MLLT3: variants seen among roughly 807,000 people sequenced by gnomAD.
MLLT3 encodes the protein protein AF-9.
A neutral mutation model predicts 53.2 loss-of-function variants in MLLT3; 4 were observed. That is an observed-to-expected ratio of 0.08 (90% CI 0.04 to 0.17). The LOEUF is 0.17. Ranked by LOEUF, MLLT3 falls within the 10% of genes least tolerant of loss-of-function variation. The pLI is 1.00. For missense variants in MLLT3, 569 were observed against 684.0 expected (o/e 0.83, Z 1.87); for synonymous variants, 283 against 230.6 (o/e 1.23, Z -2.06).
chr9:20,438,911 T>G (rs556855670), intron 4 of MLLT3, among the ~76,000 whole-genome samples: 3 of 152,164 alleles, frequency 2.0e-5, no homozygotes, highest in African/African-American at 4.8e-5. Flanking sequence ...GTTTCATGAA[T>G]AGGGATCCTT....
chr9:20,453,329 G>T lies in MLLT3; in HGVS notation c.276+3375C>A, dbSNP rs1823883074. On this transcript the variant is annotated intron_variant, in intron 3 of 10. Transcript: ENST00000380338. ...TAATCCTAGCACTTTGGGAGGCAGA[G>T]GTGGGCAGATCACTTGAGCCCAGGA... Among the ~76,000 whole-genome samples, 3 of 152,258 alleles carry T rather than the reference G, an allele frequency of 2.0e-5. No individual in the cohort carries two copies. The South Asian group carries it at 6.2e-4, about 32-fold the overall frequency.
At chr9:20,492,175 T>C (rs1824963533) in intron 2 of MLLT3, among the ~76,000 whole-genome samples, 1 of 152,100 alleles carries the variant, frequency 6.6e-6, no homozygotes, top group Non-Finnish European at 1.5e-5. Context: ...TTATTAATTA[T>C]GCATATGGAT....
At chr9:20,362,386 G>C (rs1311583741) in intron 7 of MLLT3, among the ~76,000 whole-genome samples, 2 of 152,150 alleles carry the variant, frequency 1.3e-5, no homozygotes, top group African/African-American at 2.4e-5. Flanking sequence ...TCAGGATTTT[G>C]GTTGGTATAA....
chr9:20,384,331 T>A (rs73430729), intron 5 of MLLT3, among the ~76,000 whole-genome samples: 16,632 of 152,016 alleles, frequency 0.11, 1,986 homozygotes, highest in African/African-American at 0.29. Context: ...AAATTAAGAT[T>A]GTAAGTCACT....
At chr9:20,487,854 A>G (rs575796521) in intron 2 of MLLT3, among the ~76,000 whole-genome samples, 16 of 152,286 alleles carry the variant, frequency 1.1e-4, no homozygotes, top group South Asian at 1.0e-3. Flanking sequence ...AACTGAAATT[A>G]TATAGTATTT....
rs555401944 is a variant in MLLT3, at chr9:20,489,351, G to A, written c.194-32565C>T. ...TTAGAAGGTCTAACACCTTTTCAAA[G>A]ATCTTGGCATCTTAAAGGTGAAGAT... is the stretch of plus-strand genomic sequence containing the variant. On this transcript the variant is annotated intron_variant, in intron 2 of 10. Coordinates refer to ENST00000380338, the MANE Select transcript of MLLT3 (RefSeq NM_004529.4). 3.9e-5 allele frequency among the ~76,000 whole-genome samples: 6 copies of A among 152,250 alleles called. 1 individual carries two copies. Among genetic ancestry groups the A allele is most frequent in the Admixed American group, 1.3e-4 (2 of 15,294 alleles).
At chr9:20,467,737 T>C (rs1824271397) in intron 2 of MLLT3, among the ~76,000 whole-genome samples, 2 of 151,950 alleles carry the variant, frequency 1.3e-5, no homozygotes, top group Non-Finnish European at 2.9e-5. Context: ...GAACAGAGAA[T>C]ACAGAAAATG....
At chr9:20,542,498 C>T (rs60205258) in intron 2 of MLLT3, among the ~76,000 whole-genome samples, 2,056 of 152,224 alleles carry the variant, frequency 0.014, 59 homozygotes, top group African/African-American at 0.047. Context: ...GATCCACCCG[C>T]CTCGGCCTCC....
intron 2 of MLLT3, among the ~76,000 whole-genome samples, chr9:20,525,868 T>A (rs746723803): frequency 6.6e-6 from 1 of 152,212 alleles, no homozygotes; most frequent in African/African-American, 2.4e-5. Flanking sequence ...TAAATTTACA[T>A]GTTGTGACAT....
intron 2 of MLLT3, among the ~76,000 whole-genome samples, chr9:20,551,230 G>T (rs1303419843): frequency 1.3e-5 from 2 of 152,184 alleles, no homozygotes; most frequent in East Asian, 3.8e-4. Context: ...GGCTCCCCAA[G>T]AAAGAATAAT....
At chr9:20,576,501 T>C (rs1237637944) in intron 2 of MLLT3, among the ~76,000 whole-genome samples, 1 of 152,146 alleles carries the variant, frequency 6.6e-6, no homozygotes, top group Non-Finnish European at 1.5e-5. Context: ...GAAAGATGTG[T>C]AATTGGCTTA....
rs1563820439 is a variant in MLLT3, at chr9:20,565,943, TATATATATATTTATATATATATATTTA to T, written c.193+54684_193+54710del. On this transcript the variant is annotated intron_variant, in intron 2 of 10. Transcript: ENST00000380338. ...ATATTTATATATATATATATTTATA[TATATATATATTTATATATATATATTTA>T]TATATATATATATTTATTTATATAT... is the stretch of plus-strand genomic sequence containing the variant. Among the ~76,000 whole-genome samples, 66 of 120,848 alleles carry T rather than the reference TATATATATATTTATATATATATATTTA, an allele frequency of 5.5e-4. 2 individuals carry two copies. The South Asian group carries it at 0.012, about 21-fold the overall frequency. The allele number at this position is 120,848 out of a possible 152,430, so 79.3% of individuals were successfully genotyped here. A position where few individuals can be genotyped will look rare whatever the true frequency, so the allele number is the denominator to read the frequency against.
intron 2 of MLLT3, among the ~76,000 whole-genome samples, chr9:20,605,081 T>C (rs1238719114): frequency 6.6e-6 from 1 of 152,094 alleles, no homozygotes. Context: ...TGCTGTAAAC[T>C]GTTGAGCCAT....
At chr9:20,526,187 A>G (rs928406544) in intron 2 of MLLT3, among the ~76,000 whole-genome samples, 1 of 152,244 alleles carries the variant, frequency 6.6e-6, no homozygotes. Flanking sequence ...TTTAAAAAGT[A>G]AGCTTATCAA....
chr9:20,375,625 T>G (rs1421524557), intron 5 of MLLT3, among the ~76,000 whole-genome samples: 1 of 145,834 alleles, frequency 6.9e-6, no homozygotes, highest in South Asian at 2.2e-4. Flanking sequence ...TTTTTTTTTT[T>G]GAGACAGAGT....
chr9:20,575,192 C>A (rs1467882424), intron 2 of MLLT3, among the ~76,000 whole-genome samples: 2 of 152,182 alleles, frequency 1.3e-5, no homozygotes, highest in Non-Finnish European at 2.9e-5. Flanking sequence ...TTCTTCCAAA[C>A]TCCTATTCGT....
intron 2 of MLLT3, among the ~76,000 whole-genome samples, chr9:20,509,829 A>G (rs1215531159): frequency 6.6e-6 from 1 of 152,028 alleles, no homozygotes; most frequent in Non-Finnish European, 1.5e-5. Context: ...TTGTAAAAGA[A>G]CTGTCAATCA....
chr9:20,537,629 G>C (rs569348382), intron 2 of MLLT3, among the ~76,000 whole-genome samples: 1 of 152,064 alleles, frequency 6.6e-6, no homozygotes, highest in East Asian at 1.9e-4. Flanking sequence ...TTTTCACATG[G>C]TTATTTTCAA....
In MLLT3 at chr9:20,414,016, T is replaced by C; in HGVS notation, c.830A>G (p.Asp277Gly). ...CGGCCTTTTACTAGGAGCCTTCTTA[T>C]CTTGTCCACTGGTGATGGTGAGTAA... ...SNLLTITSGQ[D>G]KKAPSKRPPI... Residue 277 changes from aspartate to glycine, a missense_variant, in exon 5 of 11, where the codon GAT becomes GGT. Transcript: ENST00000380338. The C allele has an allele frequency of 6.2e-7, 1 of 1,614,202 alleles. No homozygotes were observed.
Sources: allele counts gnomAD v4.1 joint callset (sites outside exome capture counted in the v4.1 genomes callset), GRCh38; gene constraint gnomAD v4.1.1; transcripts MANE v1.5; gene names NCBI Gene and HGNC (gene_info 2026-07-23, HGNC 2026-07-21).